The following EIF2B3 variants were observed in gnomAD, a reference collection of about 807,000 sequenced individuals.
The protein encoded by EIF2B3 is eukaryotic translation initiation factor 2B subunit gamma.
In EIF2B3, 20 loss-of-function variants were observed where a neutral mutation model predicts 54.1. The ratio of observed to expected loss-of-function variants is 0.37; its 90% confidence interval spans 0.26 to 0.54. The LOEUF is 0.54. Ranked by LOEUF, EIF2B3 falls within the 20% of genes least tolerant of loss-of-function variation. The pLI is 0.86. For missense variants in EIF2B3, 448 were observed against 547.8 expected, an observed-to-expected ratio of 0.82 and a Z score of 1.82; for synonymous variants, 153 against 188.1, an observed-to-expected ratio of 0.81 and a Z score of 1.52.
At chr1:44,872,443 C>T (rs1557663878) in intron 10 of EIF2B3, among the ~76,000 whole-genome samples, 1 of 151,936 alleles carries the variant, frequency 6.6e-6, no homozygotes, top group Non-Finnish European at 1.5e-5. Context: ...GCCAGGAGTT[C>T]AAGACCAGCC....
At chr1:44,922,324 C>T (rs1643764777) in intron 5 of EIF2B3, among the ~76,000 whole-genome samples, 1 of 151,346 alleles carries the variant, frequency 6.6e-6, no homozygotes, top group South Asian at 2.1e-4. Flanking sequence ...TGGTGGCTCA[C>T]GCCTGTAATC....
intron 5 of EIF2B3, among the ~76,000 whole-genome samples, chr1:44,905,215 C>T (rs1440552136): frequency 6.6e-6 from 1 of 152,258 alleles, no homozygotes; most frequent in Admixed American, 6.5e-5. Context: ...GACACCATAG[C>T]CCTGAGGTGC....
chr1:44,921,017 G>T (rs1277895186), intron 5 of EIF2B3, among the ~76,000 whole-genome samples: 1 of 152,256 alleles, frequency 6.6e-6, no homozygotes, highest in South Asian at 2.1e-4. Context: ...AACAGTATAT[G>T]AGAGTTCCCC....
At chr1:44,938,668 G>A (rs1456533518) in intron 4 of EIF2B3, among the ~76,000 whole-genome samples, 2 of 152,000 alleles carry the variant, frequency 1.3e-5, no homozygotes, top group African/African-American at 4.8e-5. Context: ...AAAATTGTTT[G>A]TAGAGATGGG....
At chr1:44,974,187 T>A (rs939473222) in intron 3 of EIF2B3, among the ~76,000 whole-genome samples, 21 of 150,418 alleles carry the variant, frequency 1.4e-4, no homozygotes, top group Non-Finnish European at 2.7e-4. Flanking sequence ...TTTTTTTTTT[T>A]AAAGAGCTGG....
At chr1:44,951,793 T>TC (rs1376824345) in intron 3 of EIF2B3, among the ~76,000 whole-genome samples, 1 of 147,346 alleles carries the variant, frequency 6.8e-6, no homozygotes, top group Non-Finnish European at 1.5e-5. Context: ...CCCTTCCTCT[T>TC]TTTTTTTTTT....
At chr1:44,887,022 T>C (rs940424550) in intron 6 of EIF2B3, among the ~76,000 whole-genome samples, 1 of 152,204 alleles carries the variant, frequency 6.6e-6, no homozygotes, top group Non-Finnish European at 1.5e-5. Flanking sequence ...GACCCACTTA[T>C]GTCCATTGAT....
chr1:44,894,438 G>C (rs1655899534), intron 6 of EIF2B3, among the ~76,000 whole-genome samples: 1 of 151,966 alleles, frequency 6.6e-6, no homozygotes, highest in African/African-American at 2.4e-5. Context: ...ATACTAAACT[G>C]CTTCTGTTAT....
intron 11 of EIF2B3, among the ~76,000 whole-genome samples, chr1:44,855,885 G>A (rs1341321761): frequency 1.3e-5 from 2 of 152,128 alleles, no homozygotes; most frequent in African/African-American, 4.8e-5. Flanking sequence ...AGGGAAGGCT[G>A]ATTCACGGAT....
chr1:44,936,515 C>T (rs534828063), intron 4 of EIF2B3, among the ~76,000 whole-genome samples: 4 of 152,068 alleles, frequency 2.6e-5, no homozygotes, highest in African/African-American at 7.2e-5. Flanking sequence ...TGCTTGAACC[C>T]GAGAGGCAGA....
chr1:44,948,707 G>A (rs1644129843), intron 3 of EIF2B3, among the ~76,000 whole-genome samples: 1 of 152,002 alleles, frequency 6.6e-6, no homozygotes, highest in Admixed American at 6.6e-5. Flanking sequence ...TTTGAGTACA[G>A]CCTATTTTGG....
intron 3 of EIF2B3, chr1:44,958,522 C>T (rs752493687): frequency 8.2e-6 from 10 of 1,216,044 alleles, no homozygotes; most frequent in Non-Finnish European, 1.2e-5. Flanking sequence ...CTTTTATGGG[C>T]TGTCTTTAGC....
chr1:44,946,711 T>G (rs1262163593), intron 3 of EIF2B3, among the ~76,000 whole-genome samples: 2 of 151,394 alleles, frequency 1.3e-5, no homozygotes, highest in African/African-American at 4.8e-5. Flanking sequence ...GATCTTCCTG[T>G]CTCAGCCTCC....
chr1:44,873,602 A>C (rs541234697), intron 10 of EIF2B3, among the ~76,000 whole-genome samples: 1 of 152,078 alleles, frequency 6.6e-6, no homozygotes, highest in East Asian at 1.9e-4. Flanking sequence ...TGTATCCCTT[A>C]TCTGAAATAC....
At chr1:44,871,461 G>A (rs72674081) in intron 10 of EIF2B3, among the ~76,000 whole-genome samples, 3 of 152,008 alleles carry the variant, frequency 2.0e-5, no homozygotes, top group Non-Finnish European at 2.9e-5. Flanking sequence ...CCTATCAAAC[G>A]CCTCAGGGAA....
In EIF2B3 at chr1:44,850,947, G is replaced by A. The variant is rs754070371; in HGVS notation, c.*4C>T. ...AAAAGGAAGGAGTCTGACTTGCTCAGAACTCAGATCTCCATGAGCTGGTCA... is the reference window on the plus strand; with the variant it reads ...AAAAGGAAGGAGTCTGACTTGCTCAAAACTCAGATCTCCATGAGCTGGTCA... On this transcript the variant is annotated 3_prime_UTR_variant, in exon 12 of 12. Coordinates refer to ENST00000360403, the MANE Select transcript of EIF2B3 (RefSeq NM_020365.5). 29 of 1,613,942 alleles carry A rather than the reference G, an allele frequency of 1.8e-5. No homozygotes were observed. The highest frequency in any genetic ancestry group is 2.5e-5 in the Non-Finnish European group (29 of 1,179,990).
chr1:44,886,979 G>T (rs1163865834), intron 6 of EIF2B3, among the ~76,000 whole-genome samples: 1 of 152,162 alleles, frequency 6.6e-6, no homozygotes, highest in Non-Finnish European at 1.5e-5. Context: ...ACAACCCCAG[G>T]AGCGCTGAGT....
chr1:44,965,007 T>C (rs1002605936), intron 3 of EIF2B3, among the ~76,000 whole-genome samples: 1 of 152,204 alleles, frequency 6.6e-6, no homozygotes, highest in African/African-American at 2.4e-5. Flanking sequence ...AGCTCTAATA[T>C]GGGTCAGGAT....
chr1:44,921,891 T>G (rs956340982), intron 5 of EIF2B3, among the ~76,000 whole-genome samples: 5 of 135,598 alleles, frequency 3.7e-5, no homozygotes. Flanking sequence ...ATTCCATATA[T>G]ATATATTTTT....
Sources: allele counts gnomAD v4.1 joint callset (sites outside exome capture counted in the v4.1 genomes callset), GRCh38; gene constraint gnomAD v4.1.1; transcripts MANE v1.5; gene names NCBI Gene and HGNC (gene_info 2026-07-23, HGNC 2026-07-21).